Variants in ACADM observed in about 807,000 individuals in gnomAD.
ACADM encodes the protein medium-chain specific acyl-CoA dehydrogenase, mitochondrial.
In ACADM, 49 loss-of-function variants were observed where a neutral mutation model predicts 58.9. The ratio of observed to expected loss-of-function variants is 0.83; its 90% confidence interval spans 0.66 to 1.06. The LOEUF (loss-of-function observed/expected upper bound fraction) is 1.06. Ranked by LOEUF, ACADM falls within the 50% of genes least tolerant of loss-of-function variation. ACADM has a pLI of 0.00. For missense variants in ACADM, 496 were observed against 507.0 expected (o/e 0.98, Z 0.21); for synonymous variants, 160 against 157.7 (o/e 1.01, Z -0.11).
rs143543510 is a variant in ACADM, at chr1:75,741,552, A to T, written c.599+1442A>T. On this transcript the variant is annotated intron_variant, in intron 7 of 11. Transcript: ENST00000370841. ...TGAGGCAGGAGGATTGCTTGAGCCCAGGGGTTCAAGACCAGCTTGGGCAAC... is the reference window on the plus strand; with the variant it reads ...TGAGGCAGGAGGATTGCTTGAGCCCTGGGGTTCAAGACCAGCTTGGGCAAC... 1.4e-3 allele frequency among the ~76,000 whole-genome samples: 208 copies of T among 152,290 alleles called. 1 individual carries two copies. Among genetic ancestry groups the T allele is most frequent in the African/African-American group, 4.7e-3 (195 of 41,570 alleles).
chr1:75,750,003 G>A (rs980649548), intron 9 of ACADM, among the ~76,000 whole-genome samples: 4 of 151,912 alleles, frequency 2.6e-5, no homozygotes, highest in East Asian at 1.9e-4. Context: ...GAGCCACCGC[G>A]CCTGACCATA....
At chr1:75,747,801 T>C (rs1226755686) in intron 8 of ACADM, among the ~76,000 whole-genome samples, 1 of 152,192 alleles carries the variant, frequency 6.6e-6, no homozygotes, top group East Asian at 1.9e-4. Context: ...TTCAAATCTT[T>C]TGTGTTTTAG....
chr1:75,750,551 T>C lies in ACADM; in HGVS notation c.945+5T>C, dbSNP rs749116099. 1.9e-6 allele frequency: 3 copies of C among 1,571,130 alleles called. No individual in the cohort carries two copies. The South Asian group carries it at 3.3e-5, about 18-fold the overall frequency. On this transcript the variant is annotated splice_donor_5th_base_variant and intron_variant, in intron 10 of 11. Transcript: ENST00000370841. The stretch of plus-strand genomic sequence containing the variant: ...TTCGGAAAGCTACTTGTAGAGGTAA[T>C]TTTAATACTGCTTGCTTTGTTCAAA...
chr1:75,736,439 T>C (rs1464655092), intron 6 of ACADM, among the ~76,000 whole-genome samples: 2 of 134,384 alleles, frequency 1.5e-5, no homozygotes, highest in Non-Finnish European at 3.2e-5. Context: ...ACATATTTGC[T>C]AGGAAATTTG....
intron 9 of ACADM, 144 bp from the exon 10 acceptor site, chr1:75,750,307 C>G: frequency 4.3e-6 from 3 of 702,432 alleles, no homozygotes; most frequent in South Asian, 3.2e-5. Context: ...TATAAACTTA[C>G]GTGCCTATTC....
chr1:75,752,183 T>C (rs1648247436), intron 10 of ACADM, among the ~76,000 whole-genome samples: 1 of 152,070 alleles, frequency 6.6e-6, no homozygotes, highest in South Asian at 2.1e-4. Context: ...GGTCTCACTA[T>C]GTTGCCCAGA....
chr1:75,743,956 T>C lies in ACADM; in HGVS notation c.600-1850T>C, dbSNP rs993996523. ...CGACATGAAGCCTAGTTTGAGGTTA[T>C]GTTTCTTCAAAAAAGCCTCTTTGTG... is the stretch of plus-strand genomic sequence containing the variant. On this transcript the variant is annotated intron_variant, in intron 7 of 11. Coordinates refer to ENST00000370841, the MANE Select transcript of ACADM (RefSeq NM_000016.6). The C allele has an allele frequency of 6.5e-6, 10 of 1,541,246 alleles. No homozygotes were observed. In the African/African-American group the frequency reaches 6.8e-5, roughly 10 times the overall value.
At chr1:75,751,873 G>A (rs1054180339) in intron 10 of ACADM, among the ~76,000 whole-genome samples, 4 of 151,900 alleles carry the variant, frequency 2.6e-5, no homozygotes, top group South Asian at 2.1e-4. Flanking sequence ...ATAAAGAGTC[G>A]TGTCTTCCAT....
chr1:75,753,757 G>T (rs1648332857), intron 10 of ACADM, among the ~76,000 whole-genome samples: 2 of 139,848 alleles, frequency 1.4e-5, no homozygotes, highest in Non-Finnish European at 3.1e-5. Context: ...CTGAAGATTT[G>T]CTTATCTTTT....
chr1:75,737,279 AATATATATATATATAT>A (rs368688785), intron 6 of ACADM, among the ~76,000 whole-genome samples: 547 of 43,134 alleles, frequency 0.013, 15 homozygotes, highest in South Asian at 0.022. Context: ...CACACACACA[AATATATATATATATAT>A]ATATATATAT....
At position 75,758,520 on chromosome 1, in the gene ACADM, C is replaced by T. The variant is rs190201911; in HGVS notation, c.946-2602C>T. 1.0e-3 allele frequency among the ~76,000 whole-genome samples: 158 copies of T among 152,310 alleles called. 1 individual carries two copies. The highest frequency in any genetic ancestry group is 3.7e-3 in the African/African-American group (154 of 41,566). On this transcript the variant is annotated intron_variant, in intron 10 of 11. Coordinates refer to ENST00000370841, the MANE Select transcript of ACADM (RefSeq NM_000016.6). ...ACCCTGTCCTCTTGAGAGGTGAAGC[C>T]AGCTGGACTTCCTGGGTCGAGTGGG...
chr1:75,753,531 A>G (rs1648321301), intron 10 of ACADM, among the ~76,000 whole-genome samples: 1 of 151,746 alleles, frequency 6.6e-6, no homozygotes, highest in South Asian at 2.1e-4. Flanking sequence ...TTTCAACCTA[A>G]TGCTTTTCAG....
chr1:75,729,036 C>G (rs974161531), intron 2 of ACADM, among the ~76,000 whole-genome samples: 1 of 152,024 alleles, frequency 6.6e-6, no homozygotes, highest in Non-Finnish European at 1.5e-5. Flanking sequence ...TCTTGGCCTT[C>G]TAAAGTGCTT....
At chr1:75,749,659 T>C (rs1235345080) in intron 9 of ACADM, 100 bp downstream of exon 9, 7 of 1,088,328 alleles carry the variant, frequency 6.4e-6, no homozygotes, top group Non-Finnish European at 9.3e-6. Context: ...TTTCTCTTTT[T>C]AATATCTGCT....
chr1:75,762,369 G>A (rs1648900678), intron 11 of ACADM, among the ~76,000 whole-genome samples: 1 of 151,800 alleles, frequency 6.6e-6, no homozygotes, highest in Non-Finnish European at 1.5e-5. Flanking sequence ...CAGAAAATTA[G>A]ACAAATATTT....
In ACADM at chr1:75,744,489, T is replaced by G. The variant is rs909666099; in HGVS notation, c.600-1317T>G. On this transcript the variant is annotated intron_variant, in intron 7 of 11. Coordinates refer to ENST00000370841, the MANE Select transcript of ACADM (RefSeq NM_000016.6). ...CACAAACCACTTCATCTTCTGCAAC[T>G]GTGTCTCCAACAGCTTTCTCCCACC... 7.2e-6 allele frequency: 11 copies of G among 1,536,554 alleles called. No homozygotes were observed. The Admixed American group carries it at 1.2e-4, about 16-fold the overall frequency.
intron 8 of ACADM, among the ~76,000 whole-genome samples, chr1:75,748,194 TA>T (rs1041679381): frequency 6.6e-6 from 1 of 152,068 alleles, no homozygotes. Flanking sequence ...GAAAGAGAAA[TA>T]AAAAATAAAG....
In ACADM at chr1:75,754,202, G is replaced by GT. The variant is rs1241220644; in HGVS notation, c.945+3662dup. ...CATTTGTGTGCCCTTTGAAACTTCA[G>GT]TTTTTTGTTTTTTTTTTTTTTTTGA... is the stretch of plus-strand genomic sequence containing the variant. On this transcript the variant is annotated intron_variant, in intron 10 of 11. Transcript: ENST00000370841. Among the ~76,000 whole-genome samples, 9 of 142,648 alleles carry GT rather than the reference G, an allele frequency of 6.3e-5. No homozygotes were observed. The South Asian group carries it at 1.4e-3, about 22-fold the overall frequency. The allele number at this position is 142,648 out of a possible 152,430, so 93.6% of individuals were successfully genotyped here.
At chr1:75,744,021 A>C in intron 7 of ACADM, 3 of 1,577,748 alleles carry the variant, frequency 1.9e-6, no homozygotes, top group Non-Finnish European at 2.6e-6. Context: ...CATCAATCTC[A>C]TTAAAAATTG....
Sources: gnomAD v4.1 joint callset for allele counts (sites outside exome capture counted in the v4.1 genomes callset) on GRCh38, gnomAD v4.1.1 for gene constraint, MANE v1.5 for transcripts, NCBI Gene and HGNC (gene_info 2026-07-23, HGNC 2026-07-21) for gene names.